Variants in PLCE1 observed in about 807,000 individuals in gnomAD.
The protein encoded by PLCE1 is phospholipase C epsilon 1, also known as 1-phosphatidylinositol 4,5-bisphosphate phosphodiesterase epsilon-1.
In PLCE1, 119 loss-of-function variants were observed where a neutral mutation model predicts 242.8. The ratio of observed to expected loss-of-function variants is 0.49; its 90% confidence interval spans 0.42 to 0.57. The LOEUF is 0.57. Among genes scored for constraint, PLCE1 ranks in the 20% least tolerant of loss-of-function variants. The probability of loss-of-function intolerance (pLI) is 0.00; values close to 1 mark genes in which losing one functional copy is unlikely to be tolerated. For synonymous variants in PLCE1, 945 were observed against 1,017.4 expected, an observed-to-expected ratio of 0.93 and a Z score of 1.35; for missense variants, 2,441 against 2,788.8, an observed-to-expected ratio of 0.88 and a Z score of 2.81.
chr10:94,160,053 A>G lies in PLCE1; in HGVS notation c.1493-11127A>G, dbSNP rs2047559274. Among the ~76,000 whole-genome samples, 2 of 152,142 alleles carry G rather than the reference A, an allele frequency of 1.3e-5. 1 individual carries two copies. Among genetic ancestry groups the G allele is most frequent in the South Asian group, 4.1e-4 (2 of 4,826 alleles). ...TTTGGCTTGGTTCCAAGTCTTTCCT[A>G]TTGTGAATAGTGCCACAATAAACAT... is the stretch of plus-strand genomic sequence containing the variant. On this transcript the variant is annotated intron_variant, in intron 3 of 32. Coordinates refer to ENST00000371380, the MANE Select transcript of PLCE1 (RefSeq NM_016341.4).
At chr10:94,079,964 T>C (rs1347138877) in intron 2 of PLCE1, among the ~76,000 whole-genome samples, 2 of 152,264 alleles carry the variant, frequency 1.3e-5, no homozygotes, top group Non-Finnish European at 2.9e-5. Context: ...TTCAAGTTTA[T>C]AGCTGATTTT....
At chr10:94,013,493 T>A (rs913734964) in intron 1 of PLCE1, among the ~76,000 whole-genome samples, 2 of 152,222 alleles carry the variant, frequency 1.3e-5, no homozygotes, top group Non-Finnish European at 2.9e-5. Flanking sequence ...AATCACCTTG[T>A]GAGGTAGAAA....
chr10:94,307,070 G>T (rs1245920345), intron 26 of PLCE1, among the ~76,000 whole-genome samples: 1 of 152,198 alleles, frequency 6.6e-6, no homozygotes, highest in Non-Finnish European at 1.5e-5. Flanking sequence ...TGGAGTCGGT[G>T]CCTGGCAGAA....
intron 2 of PLCE1, among the ~76,000 whole-genome samples, chr10:94,091,782 A>C (rs1419369553): frequency 6.6e-6 from 1 of 152,074 alleles, no homozygotes; most frequent in Non-Finnish European, 1.5e-5. Context: ...AAAATATAGC[A>C]ATAGAAGGGG....
At chr10:94,326,116 A>G (rs2054007171) in intron 32 of PLCE1, among the ~76,000 whole-genome samples, 1 of 152,218 alleles carries the variant, frequency 6.6e-6, no homozygotes, top group African/African-American at 2.4e-5. Flanking sequence ...CTAAGGGTTC[A>G]TTAAAGCCCA....
intron 3 of PLCE1, among the ~76,000 whole-genome samples, chr10:94,141,506 AGGG>A (rs2046954010): frequency 2.0e-5 from 1 of 48,862 alleles, no homozygotes; most frequent in Non-Finnish European, 5.0e-5. Context: ...GGGAAGGCGA[AGGG>A]AAGGTGAAGG....
At chr10:94,191,873 CAG>C (rs1334826700) in intron 4 of PLCE1, among the ~76,000 whole-genome samples, 1 of 152,216 alleles carries the variant, frequency 6.6e-6, no homozygotes, top group African/African-American at 2.4e-5. Context: ...AAATTTCACA[CAG>C]AGCCTGGCTG....
chr10:94,106,635 T>C (rs959157684), intron 2 of PLCE1, among the ~76,000 whole-genome samples: 4 of 152,144 alleles, frequency 2.6e-5, no homozygotes, highest in African/African-American at 9.7e-5. Flanking sequence ...CAAAATGCTG[T>C]CCTCCCACAA....
Position 94,298,670 on chromosome 10 carries a change from G to A in PLCE1, c.5458+1G>A, listed in dbSNP as rs2052927660. 2 of 1,613,924 alleles carry A rather than the reference G, an allele frequency of 1.2e-6. No individual in the cohort carries two copies. Among genetic ancestry groups the A allele is most frequent in the African/African-American group, 1.3e-5 (1 of 74,892 alleles). ...GTGGCACTCAACTACCAGACTGATG[G>A]TAAGGGGCCTGCATGCTCACCTCGC... On this transcript the variant is annotated splice_donor_variant, in intron 24 of 32. Coordinates refer to ENST00000371380, the MANE Select transcript of PLCE1 (RefSeq NM_016341.4). LOFTEE classifies it high-confidence loss of function. The surrounding 1 kb of genome is among the most constrained non-coding windows in gnomAD (Gnocchi z 5.2).
At chr10:94,077,692 C>T (rs1049219244) in intron 2 of PLCE1, among the ~76,000 whole-genome samples, 4 of 152,050 alleles carry the variant, frequency 2.6e-5, no homozygotes, top group African/African-American at 9.7e-5. Flanking sequence ...CACTTGAGCC[C>T]AGGAGTCAAG....
chr10:94,320,941 AAAGAT>A (rs2053776481), intron 29 of PLCE1, among the ~76,000 whole-genome samples: 1 of 152,352 alleles, frequency 6.6e-6, no homozygotes, highest in Non-Finnish European at 1.5e-5. Flanking sequence ...GAGAAGGAAA[AAAGAT>A]GAGAATGGGA....
intron 4 of PLCE1, among the ~76,000 whole-genome samples, chr10:94,209,719 G>C (rs1261446303): frequency 6.6e-6 from 1 of 152,166 alleles, no homozygotes; most frequent in African/African-American, 2.4e-5. Context: ...TTCAAAAATT[G>C]TAATTTCCAA....
At chr10:94,207,320 G>T (rs1026312130) in intron 4 of PLCE1, among the ~76,000 whole-genome samples, 3 of 152,182 alleles carry the variant, frequency 2.0e-5, no homozygotes, top group South Asian at 4.1e-4. Context: ...ATACTAAATT[G>T]ATGAGTAAAT....
intron 2 of PLCE1, among the ~76,000 whole-genome samples, chr10:94,086,075 G>A (rs564750176): frequency 6.6e-6 from 1 of 152,180 alleles, no homozygotes; most frequent in African/African-American, 2.4e-5. Flanking sequence ...CCTGCTGATT[G>A]GGAGCTCACA....
At chr10:94,254,352 TG>T in intron 10 of PLCE1, 45 bp downstream of exon 10, 2 of 1,331,298 alleles carry the variant, frequency 1.5e-6, no homozygotes, top group Non-Finnish European at 2.2e-6. Context: ...TTTTAATTTT[TG>T]TGGGAAAAAA....
intron 1 of PLCE1, among the ~76,000 whole-genome samples, chr10:94,012,324 C>G (rs1386292998): frequency 2.6e-5 from 4 of 151,958 alleles, no homozygotes; most frequent in African/African-American, 9.7e-5. Context: ...AGGATGAGCC[C>G]ATTCATTGGT....
chr10:94,158,385 T>C (rs1334481579), intron 3 of PLCE1, among the ~76,000 whole-genome samples: 4 of 152,198 alleles, frequency 2.6e-5, no homozygotes, highest in Non-Finnish European at 5.9e-5. Context: ...ACTGTGTGAA[T>C]TTTGACTCAA....
rs960643782 is a variant in PLCE1 at position 94,329,972 on chromosome 10, G to A, written c.*2029G>A. ...ATATTCATTCTAACAAATGCACAAT[G>A]CTGCTCCATTTTAAAAATATTCCGG... On this transcript the variant is annotated 3_prime_UTR_variant, in exon 33 of 33. Transcript: ENST00000371380. 6.6e-6 allele frequency: 1 copy of A among 152,034 alleles called. No individual in the cohort carries two copies. Among genetic ancestry groups the A allele is most frequent in the African/African-American group, 2.4e-5 (1 of 41,400 alleles). The allele number at this position is 152,034 out of a possible 1,614,324, so 9.4% of individuals were successfully genotyped here. A position where few individuals can be genotyped will look rare whatever the true frequency, so the allele number is the denominator to read the frequency against.
chr10:94,270,662 G>C (rs964515746), intron 18 of PLCE1, 60 bp downstream of exon 18: 2 of 1,044,506 alleles, frequency 1.9e-6, no homozygotes, highest in African/African-American at 3.1e-5. Context: ...ATTGTCATTG[G>C]GTTGTTTTGT....
Sources: gnomAD v4.1 joint callset for allele counts (sites outside exome capture counted in the v4.1 genomes callset) on GRCh38, gnomAD v4.1.1 for gene constraint, Gnocchi (gnomAD v3.1) non-coding constraint, MANE v1.5 for transcripts, NCBI Gene and HGNC (gene_info 2026-07-23, HGNC 2026-07-21) for gene names.